The following LAMA2 variants were observed in gnomAD, a reference collection of about 807,000 sequenced individuals.
LAMA2 encodes the protein laminin subunit alpha-2.
A neutral mutation model predicts 364.8 loss-of-function variants in LAMA2; 269 were observed. The ratio of observed to expected loss-of-function variants is 0.74; its 90% CI spans 0.67 to 0.82. The LOEUF is 0.82. LAMA2 is among the 40% of genes least tolerant of loss of function. LAMA2 has a pLI of 0.00. For missense variants in LAMA2, 3,807 were observed against 3,873.2 expected (o/e 0.98, Z 0.45); for synonymous variants, 1,379 against 1,370.6 (o/e 1.01, Z -0.14).
At chr6:129,141,393 C>T (rs564913485) in intron 4 of LAMA2, among the ~76,000 whole-genome samples, 1 of 152,038 alleles carries the variant, frequency 6.6e-6, no homozygotes, top group East Asian at 1.9e-4. Flanking sequence ...TTTTAGAATC[C>T]CTGCATTAGA....
chr6:129,486,684 G>A (rs1784604351), intron 56 of LAMA2, 62 bp downstream of exon 56: 1 of 1,404,816 alleles, frequency 7.1e-7, no homozygotes. Flanking sequence ...GCTAGCATCG[G>A]TATCTATCAG....
intron 3 of LAMA2, among the ~76,000 whole-genome samples, chr6:129,095,531 A>G (rs919404901): frequency 3.9e-5 from 6 of 152,244 alleles, no homozygotes; most frequent in African/African-American, 1.4e-4. Flanking sequence ...CTTCAGCCTC[A>G]AAAAATGTGT....
At chr6:129,038,302 A>G (rs1027711980) in intron 1 of LAMA2, among the ~76,000 whole-genome samples, 1 of 152,196 alleles carries the variant, frequency 6.6e-6, no homozygotes, top group African/African-American at 2.4e-5. Context: ...TTTGTCAGTT[A>G]TAATCAAGTT....
intron 12 of LAMA2, among the ~76,000 whole-genome samples, chr6:129,241,318 C>G (rs1785383789): frequency 6.6e-5 from 10 of 152,148 alleles, no homozygotes; most frequent in Admixed American, 5.9e-4. Flanking sequence ...TCACTATGAT[C>G]TCTCCCCAAA....
chr6:129,159,874 CTTTA>C lies in LAMA2; in HGVS notation c.1206+5194_1206+5197del, dbSNP rs996814328. Among the ~76,000 whole-genome samples the C allele has an allele frequency of 2.4e-4, 37 of 151,982 alleles. 1 individual carries two copies. Among genetic ancestry groups the C allele is most frequent in the Admixed American group, 2.2e-3 (33 of 15,260 alleles). ...CTGAAATGAACATAAGGATTTTCTC[CTTTA>C]TTCTGTTAACGGGGACAATTTATGC... On this transcript the variant is annotated intron_variant, in intron 8 of 64. Transcript: ENST00000421865.
At chr6:129,216,519 A>G (rs1239765099) in intron 12 of LAMA2, among the ~76,000 whole-genome samples, 1 of 152,216 alleles carries the variant, frequency 6.6e-6, no homozygotes, top group Non-Finnish European at 1.5e-5. Flanking sequence ...TGGTTGAAGT[A>G]CAAAAACATC....
chr6:129,051,571 A>G (rs966867812), intron 2 of LAMA2, among the ~76,000 whole-genome samples: 2 of 149,908 alleles, frequency 1.3e-5, no homozygotes, highest in African/African-American at 4.9e-5. Flanking sequence ...TCAGCCTCCC[A>G]ATAGATATAT....
chr6:129,330,591 GGTTTTTGT>G (rs1357922299), intron 29 of LAMA2, among the ~76,000 whole-genome samples: 3 of 83,790 alleles, frequency 3.6e-5, no homozygotes, highest in African/African-American at 8.9e-5. Flanking sequence ...GTTGTTGTTT[GGTTTTTGT>G]TTTTTTTTTT....
chr6:129,310,695 C>T (rs370724881), intron 22 of LAMA2, among the ~76,000 whole-genome samples: 1 of 151,974 alleles, frequency 6.6e-6, no homozygotes, highest in East Asian at 1.9e-4. Context: ...TAAGGTGTCC[C>T]GAGTACAGGT....
intron 29 of LAMA2, 85 bp from the exon 30 acceptor site, chr6:129,342,258 C>G (rs1776308780): frequency 8.5e-7 from 1 of 1,179,928 alleles, no homozygotes; most frequent in Admixed American, 1.7e-5. Context: ...CATAGACACA[C>G]ATTCATAGCT....
intron 58 of LAMA2, among the ~76,000 whole-genome samples, chr6:129,499,267 T>A (rs1195684493): frequency 5.9e-5 from 9 of 152,124 alleles, no homozygotes; most frequent in Non-Finnish European, 8.8e-5. Context: ...ACTGTGAATT[T>A]TTTTTTTTAT....
intron 1 of LAMA2, among the ~76,000 whole-genome samples, chr6:128,984,537 T>C (rs1020516502): frequency 6.6e-6 from 1 of 152,180 alleles, no homozygotes; most frequent in Admixed American, 6.5e-5. Flanking sequence ...TGGACACTTC[T>C]GGAAAAAAAG....
intron 16 of LAMA2, among the ~76,000 whole-genome samples, chr6:129,269,405 C>T (rs1263394463): frequency 2.7e-5 from 4 of 149,266 alleles, no homozygotes; most frequent in Non-Finnish European, 5.9e-5. Flanking sequence ...TTGTCTGATG[C>T]AGTTTTCTGG....
At chr6:129,100,729 G>C (rs1472227315) in intron 4 of LAMA2, among the ~76,000 whole-genome samples, 1 of 152,150 alleles carries the variant, frequency 6.6e-6, no homozygotes, top group East Asian at 1.9e-4. Context: ...TCCTAATTCT[G>C]ATATATCATG....
intron 41 of LAMA2, among the ~76,000 whole-genome samples, chr6:129,428,816 A>G (rs889617188): frequency 1.4e-4 from 21 of 152,154 alleles, no homozygotes; most frequent in African/African-American, 5.1e-4. Context: ...CTGCCATATT[A>G]TGGGTTTTAT....
intron 1 of LAMA2, among the ~76,000 whole-genome samples, chr6:128,978,459 A>T (rs1215488234): frequency 6.6e-6 from 1 of 151,114 alleles, no homozygotes; most frequent in Non-Finnish European, 1.5e-5. Flanking sequence ...CTGGGATTAC[A>T]GGCGCCTGCC....
chr6:129,047,648 G>C (rs997855165), intron 1 of LAMA2, among the ~76,000 whole-genome samples: 1 of 152,162 alleles, frequency 6.6e-6, no homozygotes, highest in African/African-American at 2.4e-5. Flanking sequence ...CAAGAACTGA[G>C]TTGTCACTTG....
intron 1 of LAMA2, among the ~76,000 whole-genome samples, chr6:128,918,475 A>C (rs954678887): frequency 6.6e-5 from 10 of 152,200 alleles, no homozygotes; most frequent in Admixed American, 5.9e-4. Flanking sequence ...CAAATATTGG[A>C]AGTTAAAATT....
At chr6:129,152,850 A>T (rs1778890168) in intron 7 of LAMA2, among the ~76,000 whole-genome samples, 1 of 152,204 alleles carries the variant, frequency 6.6e-6, no homozygotes, top group African/African-American at 2.4e-5. Context: ...CCCTTAGGGG[A>T]TACACATGCT....
Sources: gnomAD v4.1 joint callset for allele counts (sites outside exome capture counted in the v4.1 genomes callset) on GRCh38, gnomAD v4.1.1 for gene constraint, MANE v1.5 for transcripts, NCBI Gene and HGNC (gene_info 2026-07-23, HGNC 2026-07-21) for gene names.